SLC10A7: variants seen among roughly 807,000 people sequenced by gnomAD.
SLC10A7 encodes the protein sodium/bile acid cotransporter 7.
In SLC10A7, 29 loss-of-function variants were observed where a neutral mutation model predicts 43.2. The observed-to-expected ratio is 0.67, with a 90% CI of 0.50 to 0.92. The LOEUF is 0.92. Among genes scored for constraint, SLC10A7 ranks in the 40% least tolerant of loss-of-function variants. The pLI is 0.00. For missense variants in SLC10A7, 295 were observed against 403.2 expected (o/e 0.73, Z 2.30); for synonymous variants, 152 against 144.8 (o/e 1.05, Z -0.35).
chr4:146,497,938 A>AT (rs1208262276), intron 4 of SLC10A7, among the ~76,000 whole-genome samples: 1 of 152,088 alleles, frequency 6.6e-6, no homozygotes, highest in Non-Finnish European at 1.5e-5. Flanking sequence ...AATCAAAAAA[A>AT]TTTTTTATCA....
intron 6 of SLC10A7, among the ~76,000 whole-genome samples, chr4:146,317,517 G>A (rs1255841569): frequency 6.6e-6 from 1 of 152,032 alleles, no homozygotes; most frequent in Non-Finnish European, 1.5e-5. Flanking sequence ...TGAACTATGG[G>A]ATGTCCAGTT....
intron 5 of SLC10A7, among the ~76,000 whole-genome samples, chr4:146,344,469 G>A (rs998065942): frequency 1.3e-5 from 2 of 152,004 alleles, no homozygotes; most frequent in Non-Finnish European, 2.9e-5. Context: ...CATCTTGGAT[G>A]ATAGTCTTTT....
At chr4:146,455,033 C>G (rs967512226) in intron 4 of SLC10A7, among the ~76,000 whole-genome samples, 5 of 151,704 alleles carry the variant, frequency 3.3e-5, no homozygotes, top group Non-Finnish European at 7.4e-5. Flanking sequence ...CAGTATTCCT[C>G]AAGTTTAATT....
At chr4:146,471,408 CT>C (rs1733562096) in intron 4 of SLC10A7, among the ~76,000 whole-genome samples, 1 of 152,140 alleles carries the variant, frequency 6.6e-6, no homozygotes, top group African/African-American at 2.4e-5. Context: ...ATAAAACTAA[CT>C]TTAGAAACAC....
At chr4:146,497,920 A>G (rs1265251488) in intron 4 of SLC10A7, among the ~76,000 whole-genome samples, 4 of 147,742 alleles carry the variant, frequency 2.7e-5, no homozygotes, top group African/African-American at 9.9e-5. Context: ...TTTTGGAGGG[A>G]AAAAAAAAAT....
chr4:146,288,348 G>A (rs192160737), intron 9 of SLC10A7, among the ~76,000 whole-genome samples: 1 of 152,226 alleles, frequency 6.6e-6, no homozygotes, highest in African/African-American at 2.4e-5. Context: ...TTCTAAGCAC[G>A]TTGCAGCCAG....
At chr4:146,452,457 A>G (rs901977412) in intron 4 of SLC10A7, among the ~76,000 whole-genome samples, 5 of 152,162 alleles carry the variant, frequency 3.3e-5, no homozygotes, top group African/African-American at 7.2e-5. Flanking sequence ...TAAATATGAA[A>G]ACACAAAACA....
At chr4:146,297,982 A>G (rs1300361233) in intron 7 of SLC10A7, among the ~76,000 whole-genome samples, 1 of 152,178 alleles carries the variant, frequency 6.6e-6, no homozygotes, top group African/African-American at 2.4e-5. Context: ...CAACTTGCAT[A>G]AAATGTTGAA....
intron 4 of SLC10A7, among the ~76,000 whole-genome samples, chr4:146,460,342 G>A (rs111732315): frequency 1.1e-4 from 16 of 151,896 alleles, no homozygotes; most frequent in African/African-American, 3.1e-4. Flanking sequence ...AGGTATTTAC[G>A]CAAAAGACAG....
At chr4:146,425,432 C>T (rs1729270320) in intron 5 of SLC10A7, among the ~76,000 whole-genome samples, 1 of 152,122 alleles carries the variant, frequency 6.6e-6, no homozygotes, top group African/African-American at 2.4e-5. Flanking sequence ...CTGTTGGATA[C>T]CTAAAATGTG....
At chr4:146,372,352 G>T (rs1736852742) in intron 5 of SLC10A7, among the ~76,000 whole-genome samples, 1 of 151,836 alleles carries the variant, frequency 6.6e-6, no homozygotes, top group Non-Finnish European at 1.5e-5. Flanking sequence ...TACTCAGGAG[G>T]CTGAGGTGGC....
intron 6 of SLC10A7, among the ~76,000 whole-genome samples, chr4:146,319,622 T>C (rs1056149750): frequency 6.6e-6 from 1 of 152,098 alleles, no homozygotes; most frequent in African/African-American, 2.4e-5. Flanking sequence ...GTGTCTGGCA[T>C]GCAGAAATAA....
intron 10 of SLC10A7, among the ~76,000 whole-genome samples, chr4:146,277,347 T>C (rs1477715284): frequency 6.6e-6 from 1 of 152,202 alleles, no homozygotes; most frequent in Non-Finnish European, 1.5e-5. Flanking sequence ...AGTCTAGATA[T>C]GCTAGCAATG....
At chr4:146,513,406 T>C (rs930355326) in intron 2 of SLC10A7, among the ~76,000 whole-genome samples, 2 of 152,156 alleles carry the variant, frequency 1.3e-5, no homozygotes, top group African/African-American at 4.8e-5. Context: ...ATTATGCATA[T>C]AAAACATATT....
intron 5 of SLC10A7, among the ~76,000 whole-genome samples, chr4:146,362,308 A>G (rs1171374077): frequency 1.3e-5 from 2 of 152,106 alleles, no homozygotes; most frequent in African/African-American, 4.8e-5. Context: ...TAATAATCCA[A>G]CTCTCAAAGG....
At chr4:146,508,985 T>C (rs998387976) in intron 3 of SLC10A7, among the ~76,000 whole-genome samples, 2 of 152,212 alleles carry the variant, frequency 1.3e-5, no homozygotes, top group African/African-American at 4.8e-5. Context: ...CTTTACTGAC[T>C]GGAAAACACA....
At chr4:146,509,857 A>G in intron 3 of SLC10A7, 56 bp downstream of exon 3, 1 of 1,497,666 alleles carries the variant, frequency 6.7e-7, no homozygotes, top group East Asian at 2.3e-5. Flanking sequence ...AGAAACAATA[A>G]TGTCTCTAGA....
At chr4:146,462,097 A>G (rs1053368772) in intron 4 of SLC10A7, among the ~76,000 whole-genome samples, 13 of 152,098 alleles carry the variant, frequency 8.5e-5, no homozygotes, top group African/African-American at 2.9e-4. Flanking sequence ...GTCTAAATAA[A>G]TATATTTTTC....
At chr4:146,408,676 A>G (rs1479852951) in intron 5 of SLC10A7, 1 of 152,130 alleles carries the variant, frequency 6.6e-6, no homozygotes, top group East Asian at 1.9e-4. Flanking sequence ...CTGATGTTCA[A>G]CAATATAAAG....
Sources: allele counts gnomAD v4.1 joint callset (sites outside exome capture counted in the v4.1 genomes callset), GRCh38; gene constraint gnomAD v4.1.1; transcripts MANE v1.5; gene names NCBI Gene and HGNC (gene_info 2026-07-23, HGNC 2026-07-21).